RANBP10: variants seen among roughly 807,000 people sequenced by gnomAD.
RANBP10 encodes the protein RAN binding protein 10.
Under a neutral mutation model 72.8 loss-of-function variants are expected in RANBP10, and 24 were observed. That is an observed-to-expected ratio of 0.33 (90% CI 0.24 to 0.46). RANBP10 has a LOEUF of 0.46. Ranked by LOEUF, RANBP10 falls within the 20% of genes least tolerant of loss-of-function variation. The pLI, the probability that RANBP10 is intolerant of heterozygous loss-of-function variation, is 1.00. For missense variants in RANBP10, 679 were observed against 817.5 expected (o/e 0.83, Z 2.07); for synonymous variants, 310 against 322.3 (o/e 0.96, Z 0.41).
chr16:67,791,362 A>G (rs1373532105), intron 2 of RANBP10, among the ~76,000 whole-genome samples: 1 of 152,186 alleles, frequency 6.6e-6, no homozygotes, highest in Non-Finnish European at 1.5e-5. Flanking sequence ...ATGGGCTGGC[A>G]AGCCTATGGG....
At chr16:67,742,126 T>C (rs1450762021) in intron 4 of RANBP10, among the ~76,000 whole-genome samples, 1 of 151,616 alleles carries the variant, frequency 6.6e-6, no homozygotes, top group Non-Finnish European at 1.5e-5. Flanking sequence ...CCCAGGCTCA[T>C]CTCGAACTCC....
chr16:67,767,497 C>T (rs1367906085), intron 3 of RANBP10, among the ~76,000 whole-genome samples: 1 of 148,958 alleles, frequency 6.7e-6, no homozygotes, highest in African/African-American at 2.5e-5. Flanking sequence ...CACTGTAACT[C>T]GCGCCTATAA....
At chr16:67,776,546 G>A (rs907861583) in intron 2 of RANBP10, among the ~76,000 whole-genome samples, 3 of 150,712 alleles carry the variant, frequency 2.0e-5, no homozygotes, top group Non-Finnish European at 4.4e-5. Flanking sequence ...GCTAAGACAG[G>A]CAGATCACCT....
chr16:67,743,794 C>G (rs1220946116), intron 4 of RANBP10, among the ~76,000 whole-genome samples: 1 of 152,114 alleles, frequency 6.6e-6, no homozygotes, highest in African/African-American at 2.4e-5. Context: ...AAGCCTTTTT[C>G]AATGTAACTG....
At chr16:67,794,578 A>G (rs948893911) in intron 2 of RANBP10, among the ~76,000 whole-genome samples, 1 of 136,702 alleles carries the variant, frequency 7.3e-6, no homozygotes, top group Admixed American at 7.6e-5. Context: ...GCTGGAGTGC[A>G]GTGGCACGAT....
At chr16:67,778,997 A>G (rs1458268141) in intron 2 of RANBP10, among the ~76,000 whole-genome samples, 1 of 152,140 alleles carries the variant, frequency 6.6e-6, no homozygotes, top group African/African-American at 2.4e-5. Flanking sequence ...AGAGGCTGAG[A>G]TGGGAGCACA....
intron 2 of RANBP10, among the ~76,000 whole-genome samples, chr16:67,778,529 A>T (rs2054752616): frequency 6.6e-6 from 1 of 152,230 alleles, no homozygotes; most frequent in Non-Finnish European, 1.5e-5. Context: ...AACAAGAGAA[A>T]ACATAGATAA....
chr16:67,772,365 A>G (rs1203653020), intron 2 of RANBP10, among the ~76,000 whole-genome samples: 22 of 152,168 alleles, frequency 1.4e-4, no homozygotes, highest in Admixed American at 1.4e-3. Context: ...TCATGAATTC[A>G]TGGCTTCCAG....
chr16:67,733,505 G>A (rs2053776580), intron 6 of RANBP10, among the ~76,000 whole-genome samples: 1 of 152,184 alleles, frequency 6.6e-6, no homozygotes, highest in Non-Finnish European at 1.5e-5. Flanking sequence ...CCTTCCACTA[G>A]AGGAAGCCAG....
chr16:67,772,947 T>C (rs918589648), intron 2 of RANBP10, among the ~76,000 whole-genome samples: 5 of 152,182 alleles, frequency 3.3e-5, no homozygotes, highest in African/African-American at 1.2e-4. Context: ...TGGGACTTTT[T>C]AAGTTAATGC....
chr16:67,766,204 C>A (rs2054499556), intron 3 of RANBP10, among the ~76,000 whole-genome samples: 2 of 152,276 alleles, frequency 1.3e-5, no homozygotes, highest in South Asian at 2.1e-4. Context: ...CACCTCCCCA[C>A]CAAAATACCA....
At chr16:67,728,585 G>C (rs766296087) in intron 10 of RANBP10, 74 bp from the exon 11 acceptor site, 1 of 1,608,754 alleles carries the variant, frequency 6.2e-7, no homozygotes, top group African/African-American at 1.3e-5. Flanking sequence ...CTCCTTTCAA[G>C]CTGTAGCCAT....
At chr16:67,735,141 G>A in intron 5 of RANBP10, 99 bp from the exon 6 acceptor site, 1 of 1,239,150 alleles carries the variant, frequency 8.1e-7, no homozygotes, top group Non-Finnish European at 1.1e-6. Flanking sequence ...GCTTGGGCTG[G>A]GAGAGTTGCA....
intron 3 of RANBP10, among the ~76,000 whole-genome samples, chr16:67,753,905 C>T (rs2054240468): frequency 6.6e-6 from 1 of 152,020 alleles, no homozygotes; most frequent in South Asian, 2.1e-4. Flanking sequence ...GAGGCTGAGG[C>T]AGGCGGATCA....
chr16:67,728,523 G>A lies in RANBP10; in HGVS notation c.1353-12C>T, dbSNP rs183715276. 4.3e-5 allele frequency: 69 copies of A among 1,614,048 alleles called. No homozygotes were observed. The African/African-American group carries it at 7.5e-4, about 17-fold the overall frequency. ...CCATCTCACTGTCGCTGTGGGGAGG[G>A]GTTGAGGTGGGAGTTGGCCCAGGGG... On this transcript the variant is annotated splice_polypyrimidine_tract_variant and intron_variant, in intron 10 of 13. Coordinates refer to ENST00000317506, the MANE Select transcript of RANBP10 (RefSeq NM_020850.3).
intron 3 of RANBP10, among the ~76,000 whole-genome samples, chr16:67,755,193 A>G (rs776472082): frequency 1.3e-5 from 2 of 152,052 alleles, no homozygotes; most frequent in Non-Finnish European, 2.9e-5. Context: ...CTCCAGCCCC[A>G]CCAACTTCTG....
At chr16:67,740,933 G>A (rs2053957890) in intron 4 of RANBP10, among the ~76,000 whole-genome samples, 1 of 152,110 alleles carries the variant, frequency 6.6e-6, no homozygotes, top group Admixed American at 6.6e-5. Flanking sequence ...CCACCCTCCA[G>A]GCCTGCCCCG....
chr16:67,752,040 A>G (rs1020628715), intron 3 of RANBP10, among the ~76,000 whole-genome samples: 2 of 152,124 alleles, frequency 1.3e-5, no homozygotes, highest in East Asian at 1.9e-4. Flanking sequence ...TAGAAAAGAG[A>G]TAAGTTTTCT....
intron 2 of RANBP10, among the ~76,000 whole-genome samples, chr16:67,774,595 G>C (rs1320231107): frequency 5.3e-5 from 8 of 152,168 alleles, no homozygotes; most frequent in Admixed American, 3.9e-4. Context: ...CTGTCTAAGG[G>C]GAGAGCAGCC....
Sources: allele counts gnomAD v4.1 joint callset (sites outside exome capture counted in the v4.1 genomes callset), GRCh38; gene constraint gnomAD v4.1.1; transcripts MANE v1.5; gene names NCBI Gene and HGNC (gene_info 2026-07-23, HGNC 2026-07-21).